Variants in EPX observed in about 807,000 individuals in gnomAD.
The protein encoded by EPX is eosinophil peroxidase.
A neutral mutation model predicts 73.0 loss-of-function variants in EPX; 60 were observed. The ratio of observed to expected loss-of-function variants is 0.82; its 90% CI spans 0.67 to 1.02. EPX has a LOEUF of 1.02. Ranked by LOEUF, EPX falls within the 50% of genes least tolerant of loss-of-function variation. The pLI, the probability that EPX is intolerant of heterozygous loss-of-function variation, is 0.00. For missense variants in EPX, 950 were observed against 973.9 expected (o/e 0.98, Z 0.33); for synonymous variants, 347 against 389.2 (o/e 0.89, Z 1.28).
At chr17:58,200,117 A>C in intron 9 of EPX, 108 bp from the exon 10 acceptor site, 23 of 1,066,124 alleles carry the variant, frequency 2.2e-5, no homozygotes, top group Non-Finnish European at 3.2e-5. Context: ...CGTTACTAAC[A>C]TACCCGACTG....
At chr17:58,194,341 AT>A (rs369646868) in intron 5 of EPX, among the ~76,000 whole-genome samples, 230 of 152,334 alleles carry the variant, frequency 1.5e-3, no homozygotes, top group African/African-American at 4.9e-3. Context: ...GACATGATCT[AT>A]TCATGCTAAC....
intron 10 of EPX, among the ~76,000 whole-genome samples, chr17:58,201,291 C>G (rs1567790400): frequency 6.6e-6 from 1 of 152,244 alleles, no homozygotes; most frequent in Non-Finnish European, 1.5e-5. Context: ...ACCTGAGCTT[C>G]TTTCCTTTCT....
chr17:58,193,932 C>T (rs1242845167), intron 4 of EPX, 31 bp from the exon 5 acceptor site: 4 of 1,612,508 alleles, frequency 2.5e-6, no homozygotes, highest in Middle Eastern at 3.3e-4. Context: ...AGGCCCTGCC[C>T]CCTGCTAACC....
chr17:58,196,401 C>G (rs1968257025), intron 6 of EPX, among the ~76,000 whole-genome samples: 1 of 152,342 alleles, frequency 6.6e-6, no homozygotes, highest in Admixed American at 6.5e-5. Flanking sequence ...AGCCACCACA[C>G]CTGGCCCACA....
chr17:58,203,346 A>G (rs753163167), intron 11 of EPX, 28 bp downstream of exon 11: 8 of 1,445,520 alleles, frequency 5.5e-6, no homozygotes, highest in Non-Finnish European at 7.8e-6. Flanking sequence ...AAAAGACATC[A>G]GCACCAGAGG....
intron 6 of EPX, among the ~76,000 whole-genome samples, 170 bp from the exon 7 acceptor site, chr17:58,196,769 G>A (rs934160078): frequency 6.6e-6 from 1 of 152,144 alleles, no homozygotes; most frequent in Non-Finnish European, 1.5e-5. Context: ...GAAACAAAAT[G>A]TTAAGGACAC....
At position 58,193,190 on chromosome 17, in the gene EPX, C is replaced by T. The variant is rs1968202795; in HGVS notation, c.170+59C>T. ...GAGGATCAGTGAGGGGCATGGGCCCCAGCCAAGTTCATCTCACTCATCAGC... is the reference window on the plus strand; with the variant it reads ...GAGGATCAGTGAGGGGCATGGGCCCTAGCCAAGTTCATCTCACTCATCAGC... On this transcript the variant is annotated intron_variant, in intron 2 of 12. Coordinates refer to ENST00000225371, the MANE Select transcript of EPX (RefSeq NM_000502.6). The T allele has an allele frequency of 8.2e-6, 11 of 1,338,978 alleles. No homozygotes were observed. The Admixed American group carries it at 1.7e-4, about 20-fold the overall frequency. The allele number at this position is 1,338,978 out of a possible 1,614,324, so 82.9% of individuals were successfully genotyped here.
rs776444431 is a variant in EPX at position 58,194,038 on chromosome 17, G to A, written c.540G>A (p.Ser180=). 9.3e-6 allele frequency: 15 copies of A among 1,613,174 alleles called. No individual in the cohort carries two copies. Among genetic ancestry groups the A allele is most frequent in the Middle Eastern group, 1.6e-4 (1 of 6,082 alleles). ...CCGCCGAGTATGAGGATGGGCTGTC[G>A]CTCCCCTTCGGCTGGACCCCCAGCA... is the stretch of plus-strand genomic sequence containing the variant. The part of the protein sequence containing the change: ...WLPAEYEDGL[S]LPFGWTPSRR... Residue 180 remains serine (S), a synonymous_variant, in exon 5 of 13, where the codon TCG becomes TCA. Transcript: ENST00000225371.
At position 58,199,192 on chromosome 17, in the gene EPX, A is replaced by G. The variant is rs779248995; in HGVS notation, c.1273A>G (p.Met425Val). ...TGAGGCTCGGAAGATCATGGGGGCC[A>G]TGGTCCAGGTAAGGAGCTCTGCATC... ...YNEARKIMGAMVQIITYRDFL... is the reference protein window; with the variant it reads ...YNEARKIMGAVVQIITYRDFL... Residue 425 changes from methionine (M) to valine (V), a missense_variant, in exon 8 of 13, where the codon ATG becomes GTG. Coordinates refer to ENST00000225371, the MANE Select transcript of EPX (RefSeq NM_000502.6). 1.2e-6 allele frequency: 2 copies of G among 1,613,892 alleles called. No homozygotes were observed. Among genetic ancestry groups the G allele is most frequent in the Non-Finnish European group, 1.7e-6 (2 of 1,179,940 alleles).
intron 10 of EPX, among the ~76,000 whole-genome samples, chr17:58,201,945 C>G (rs182143865): frequency 2.6e-4 from 39 of 152,282 alleles, no homozygotes; most frequent in Admixed American, 2.2e-3. Flanking sequence ...AAATATTATC[C>G]TGACACTAGC....
rs867500484 is a variant in EPX, at chr17:58,194,904, C to T, written c.595-60C>T. ...TGCTGCTCCCTGAGTCCTGGGTTGG[C>T]TCTAATACCTTGTGGGGTCAGGGAG... On this transcript the variant is annotated intron_variant, in intron 5 of 12. Coordinates refer to ENST00000225371, the MANE Select transcript of EPX (RefSeq NM_000502.6). 1.6e-5 allele frequency: 21 copies of T among 1,330,898 alleles called. No individual in the cohort carries two copies. The Middle Eastern group carries it at 2.5e-3, about 159-fold the overall frequency. The allele number at this position is 1,330,898 out of a possible 1,614,324, so 82.4% of individuals were successfully genotyped here.
chr17:58,200,436 C>T (rs1017612756), intron 10 of EPX, 41 bp downstream of exon 10: 1 of 1,599,622 alleles, frequency 6.3e-7, no homozygotes, highest in South Asian at 1.1e-5. Flanking sequence ...TTTGCTCGGG[C>T]CAGGCTGCTC....
Position 58,197,244 on chromosome 17 carries a change from C to A in EPX, c.1107C>A (p.Pro369=). 6.2e-7 allele frequency: 1 copy of A among 1,612,016 alleles called. No individual in the cohort carries two copies. Among genetic ancestry groups the A allele is most frequent in the Non-Finnish European group, 8.5e-7 (1 of 1,180,040 alleles). ...CLLTNRSARI[P]CFLAGDTRST... ...TCACCAACCGCTCGGCGCGCATCCC[C>A]TGCTTCCTGGCAGGTCAGACAGGGA... Residue 369 remains proline, a synonymous_variant, in exon 7 of 13, where the codon CCC becomes CCA. Coordinates refer to ENST00000225371, the MANE Select transcript of EPX (RefSeq NM_000502.6).
intron 10 of EPX, among the ~76,000 whole-genome samples, chr17:58,201,308 T>C (rs1968338411): frequency 6.6e-6 from 1 of 152,192 alleles, no homozygotes; most frequent in South Asian, 2.1e-4. Context: ...TTCTTAAACT[T>C]GGGCGCTCCT....
chr17:58,199,097 G>A lies in EPX; in HGVS notation c.1178G>A (p.Arg393Gln), dbSNP rs776191129. The A allele has an allele frequency of 5.6e-6, 9 of 1,613,888 alleles. No homozygotes were observed. Among genetic ancestry groups the A allele is most frequent in the East Asian group, 2.2e-5 (1 of 44,884 alleles). The change falls in exon 8 of 13, where the codon CGA becomes CAA. Residue 393 changes from arginine to glutamine, a missense_variant. Transcript: ENST00000225371. ...KLAAMHTLFM[R>Q]EHNRLATELR... ...GCAGCCATGCACACCCTCTTTATGC[G>A]AGAGCACAACCGGCTGGCCACCGAG...
chr17:58,197,155 C>A lies in EPX; in HGVS notation c.1018C>A (p.Arg340Ser). Residue 340 changes from arginine (R) to serine (S), a missense_variant, in exon 7 of 13, where the codon CGC becomes AGC. By Grantham distance (110) the Arg-to-Ser change is moderately radical. Transcript: ENST00000225371. ...CCTGGGGCTGCTGGCCATCAACCAGCGCTTTCAAGACAACGGCCGGGCCCT... is the reference window on the plus strand; with the variant it reads ...CCTGGGGCTGCTGGCCATCAACCAGAGCTTTCAAGACAACGGCCGGGCCCT... ...NYLGLLAINQ[R>S]FQDNGRALLP... The A allele has an allele frequency of 6.2e-7, 1 of 1,614,164 alleles. No homozygotes were observed. Among genetic ancestry groups the A allele is most frequent in the Non-Finnish European group, 8.5e-7 (1 of 1,180,038 alleles).
At position 58,194,052 on chromosome 17, in the gene EPX, G is replaced by T. The variant is rs1968221001; in HGVS notation, c.554G>T (p.Trp185Leu). ...GATGGGCTGTCGCTCCCCTTCGGCTGGACCCCCAGCAGGAGGCGCAATGGC... is the reference window on the plus strand; with the variant it reads ...GATGGGCTGTCGCTCCCCTTCGGCTTGACCCCCAGCAGGAGGCGCAATGGC... ...YEDGLSLPFG[W>L]TPSRRRNGFL... Residue 185 changes from tryptophan (W) to leucine (L), a missense_variant, in exon 5 of 13, where the codon TGG becomes TTG. Trp to Leu is a moderately conservative substitution (Grantham distance 61). Coordinates refer to ENST00000225371, the MANE Select transcript of EPX (RefSeq NM_000502.6). The T allele has an allele frequency of 6.2e-7, 1 of 1,613,562 alleles. No homozygotes were observed. Among genetic ancestry groups the T allele is most frequent in the African/African-American group, 1.3e-5 (1 of 75,062 alleles).
At chr17:58,203,057 C>A (rs555202228) in intron 10 of EPX, 24 bp from the exon 11 acceptor site, 27 of 1,550,636 alleles carry the variant, frequency 1.7e-5, no homozygotes, top group Non-Finnish European at 2.4e-5. Context: ...AAGACTGAAG[C>A]TGCTTCTCCC....
chr17:58,202,792 T>C (rs1340329542), intron 10 of EPX: 1 of 452,018 alleles, frequency 2.2e-6, no homozygotes, highest in Non-Finnish European at 4.1e-6. Flanking sequence ...AGCCCAGTAA[T>C]ATCACTAAGT....
Sources: gnomAD v4.1 joint callset for allele counts (sites outside exome capture counted in the v4.1 genomes callset) on GRCh38, gnomAD v4.1.1 for gene constraint, MANE v1.5 for transcripts, NCBI Gene and HGNC (gene_info 2026-07-23, HGNC 2026-07-21) for gene names.